KCNC2: variants seen among roughly 807,000 people sequenced by gnomAD.
The protein encoded by KCNC2 is voltage-gated potassium channel KCNC2.
KCNC2 carries 21 observed loss-of-function variants against 44.5 expected under a neutral mutation model. The observed-to-expected ratio is 0.47, with a 90% CI of 0.33 to 0.68. KCNC2 has a LOEUF of 0.68. Ranked by LOEUF, KCNC2 falls within the 30% of genes least tolerant of loss-of-function variation. KCNC2 has a pLI of 0.01. For synonymous variants in KCNC2, 391 were observed against 339.1 expected, an observed-to-expected ratio of 1.15 and a Z score of -1.68; for missense variants, 589 against 826.2, an observed-to-expected ratio of 0.71 and a Z score of 3.52.
intron 2 of KCNC2, among the ~76,000 whole-genome samples, chr12:75,154,786 A>G (rs940691792): frequency 6.6e-6 from 1 of 152,030 alleles, no homozygotes; most frequent in African/African-American, 2.4e-5. Flanking sequence ...ATCATATGGT[A>G]CTGGTGCTAT....
intron 2 of KCNC2, among the ~76,000 whole-genome samples, chr12:75,128,652 A>C (rs558049189): frequency 6.6e-6 from 1 of 151,334 alleles, no homozygotes; most frequent in East Asian, 1.9e-4. Flanking sequence ...ATCCTACAAC[A>C]GGAAAAAAAA....
At position 75,041,551 on chromosome 12, in the gene KCNC2, T is replaced by C. The variant is rs1045335460; in HGVS notation, c.*1554A>G. 1.8e-6 allele frequency: 2 copies of C among 1,114,378 alleles called. No homozygotes were observed. The highest frequency in any genetic ancestry group is 2.2e-6 in the Non-Finnish European group (2 of 904,312). 69.0% of individuals were successfully genotyped at this position (1,114,378 alleles called of 1,614,324 possible). On this transcript the variant is annotated 3_prime_UTR_variant, in exon 5 of 5. Coordinates refer to ENST00000549446, the MANE Select transcript of KCNC2 (RefSeq NM_139137.4). ...TCCCTCTATTTATATTACGGTCTTTTTCTTCCCTCACATGCTCAATACATG... is the reference window on the plus strand; with the variant it reads ...TCCCTCTATTTATATTACGGTCTTTCTCTTCCCTCACATGCTCAATACATG...
intron 4 of KCNC2, among the ~76,000 whole-genome samples, chr12:75,044,156 G>A (rs1880223393): frequency 6.6e-6 from 1 of 151,998 alleles, no homozygotes; most frequent in Non-Finnish European, 1.5e-5. Context: ...ATTACAGACA[G>A]TTAAACGAGG....
rs539467434 is a variant in KCNC2, at chr12:75,114,103, T to G, written c.688-62786A>C. On this transcript the variant is annotated intron_variant, in intron 2 of 4. Coordinates refer to ENST00000549446, the MANE Select transcript of KCNC2 (RefSeq NM_139137.4). The stretch of plus-strand genomic sequence containing the variant: ...AATTAATCTAATTTATACTTTAATT[T>G]TATTCAACTAAATTTTTAATTTGAA... Among the ~76,000 whole-genome samples, 4 of 152,314 alleles carry G rather than the reference T, an allele frequency of 2.6e-5. No individual in the cohort carries two copies. The South Asian group carries it at 8.3e-4, about 32-fold the overall frequency.
In KCNC2 at chr12:75,051,200, T is replaced by C. The variant is rs201329547; in HGVS notation, c.805A>G (p.Ser269Gly). 3 of 1,613,228 alleles carry C rather than the reference T, an allele frequency of 1.9e-6. No homozygotes were observed. The highest frequency in any genetic ancestry group is 2.5e-6 in the Non-Finnish European group (3 of 1,179,286). Residue 269 changes from serine to glycine, a missense_variant, in exon 3 of 5, where the codon AGT becomes GGT. By Grantham distance (56) the Ser-to-Gly change is moderately conservative. Around this residue, in one of 7 missense-constraint regions of KCNC2, gnomAD observed 40 missense variants for 40.6 expected, o/e 0.99. Transcript: ENST00000549446. ...TCAATTTCATACTGTAGAACAACAC[T>C]TGTGCCATTGATGACTGGTTCTGTC... ...NKTEPVINGT[S>G]VVLQYEIETD...
At chr12:75,062,726 A>G (rs1480562160) in intron 2 of KCNC2, among the ~76,000 whole-genome samples, 1 of 152,004 alleles carries the variant, frequency 6.6e-6, no homozygotes, top group African/African-American at 2.4e-5. Flanking sequence ...TTTCAGGTCA[A>G]GGTTTACAGG....
chr12:75,170,075 A>G (rs1046945166), intron 2 of KCNC2, among the ~76,000 whole-genome samples: 1 of 151,744 alleles, frequency 6.6e-6, no homozygotes, highest in Admixed American at 6.6e-5. Context: ...GACCATTTCA[A>G]TGTTTTAAAA....
chr12:75,192,560 A>C (rs1170407376), intron 2 of KCNC2, among the ~76,000 whole-genome samples: 1 of 152,212 alleles, frequency 6.6e-6, no homozygotes, highest in Non-Finnish European at 1.5e-5. Context: ...CGTCCGAGTG[A>C]TCCTTTTCAA....
At position 75,050,664 on chromosome 12, in the gene KCNC2, T is replaced by C; in HGVS notation, c.1341A>G (p.Thr447=). 1 of 1,613,572 alleles carries C rather than the reference T, an allele frequency of 6.2e-7. No individual in the cohort carries two copies. The highest frequency in any genetic ancestry group is 2.2e-5 in the East Asian group (1 of 44,774). ...GGGCTCCCACCAGCATGCCTGACCA[T>C]GTTTGGGGGTACATATCCCCATAAC... ...TLGYGDMYPQ[T]WSGMLVGALC... The change falls in exon 3 of 5, where the codon ACA becomes ACG. Residue 447 remains threonine (T), a synonymous_variant. Coordinates refer to ENST00000549446, the MANE Select transcript of KCNC2 (RefSeq NM_139137.4).
chr12:75,201,497 A>G (rs1350920829), intron 2 of KCNC2, among the ~76,000 whole-genome samples: 1 of 151,776 alleles, frequency 6.6e-6, no homozygotes, highest in Non-Finnish European at 1.5e-5. Context: ...TTCAGAATAA[A>G]GCAAAGGAAA....
At chr12:75,174,326 G>C (rs932898074) in intron 2 of KCNC2, among the ~76,000 whole-genome samples, 2 of 151,446 alleles carry the variant, frequency 1.3e-5, no homozygotes, top group Non-Finnish European at 2.9e-5. Context: ...CTAAATATGT[G>C]GCTAAAATGT....
At chr12:75,188,754 G>A (rs2029910818) in intron 2 of KCNC2, among the ~76,000 whole-genome samples, 1 of 151,826 alleles carries the variant, frequency 6.6e-6, no homozygotes, top group South Asian at 2.1e-4. Context: ...CAGCTACTCG[G>A]GAGGCTGAGG....
chr12:75,175,421 T>C (rs1892116756), intron 2 of KCNC2, among the ~76,000 whole-genome samples: 1 of 152,032 alleles, frequency 6.6e-6, no homozygotes, highest in South Asian at 2.1e-4. Flanking sequence ...GGGAATTACA[T>C]TAAAGATTGC....
intron 2 of KCNC2, among the ~76,000 whole-genome samples, chr12:75,183,847 C>T (rs1000490127): frequency 2.0e-5 from 3 of 152,138 alleles, no homozygotes; most frequent in South Asian, 2.1e-4. Context: ...TGTGGCTCAC[C>T]GGGTCCTCCA....
At chr12:75,105,057 C>A (rs11831525) in intron 2 of KCNC2, among the ~76,000 whole-genome samples, 30,066 of 151,788 alleles carry the variant, frequency 0.2, 3,118 homozygotes, top group South Asian at 0.29. Flanking sequence ...AGAAGTCAGA[C>A]AAAGACATAT....
intron 2 of KCNC2, among the ~76,000 whole-genome samples, chr12:75,086,550 A>C (rs1448179527): frequency 6.6e-6 from 1 of 151,566 alleles, no homozygotes; most frequent in African/African-American, 2.4e-5. Flanking sequence ...ACATTTGGTC[A>C]TGTAGTAGAC....
chr12:75,079,726 C>T (rs753205332), intron 2 of KCNC2, among the ~76,000 whole-genome samples: 7 of 152,040 alleles, frequency 4.6e-5, no homozygotes, highest in East Asian at 1.9e-4. Flanking sequence ...AACCAAATTG[C>T]GAGCTGGAGT....
chr12:75,059,142 T>A (rs190499955), intron 2 of KCNC2, among the ~76,000 whole-genome samples: 1 of 152,152 alleles, frequency 6.6e-6, no homozygotes, highest in African/African-American at 2.4e-5. Context: ...TGCAATTTGG[T>A]TATGAGAAAC....
At chr12:75,122,814 G>T (rs1888138574) in intron 2 of KCNC2, among the ~76,000 whole-genome samples, 1 of 152,074 alleles carries the variant, frequency 6.6e-6, no homozygotes, top group Non-Finnish European at 1.5e-5. Flanking sequence ...ATATCAGAAA[G>T]TGGTAAAGGT....
Sources: gnomAD v4.1 joint callset for allele counts (sites outside exome capture counted in the v4.1 genomes callset) on GRCh38, gnomAD v4.1.1 for gene constraint, gnomAD v4.1.1 regional missense constraint, MANE v1.5 for transcripts, NCBI Gene and HGNC (gene_info 2026-07-23, HGNC 2026-07-21) for gene names.